Variants in MYBPC1 observed in about 807,000 individuals in gnomAD.
The protein encoded by MYBPC1 is myosin-binding protein C, slow-type.
MYBPC1 carries 52 observed loss-of-function variants against 147.1 expected under a neutral mutation model. That is an observed-to-expected ratio of 0.35 (90% confidence interval 0.28 to 0.45). MYBPC1 has a LOEUF of 0.45. MYBPC1 is among the 20% of genes least tolerant of loss of function. The pLI is 1.00. For synonymous variants in MYBPC1, 477 were observed against 475.9 expected (o/e 1.00, Z -0.03); for missense variants, 1,228 against 1,440.3 (o/e 0.85, Z 2.39).
intron 11 of MYBPC1, 111 bp downstream of exon 11, chr12:101,642,696 G>C: frequency 3.2e-6 from 4 of 1,236,342 alleles, no homozygotes; most frequent in Non-Finnish European, 4.6e-6. Flanking sequence ...GTTGGGAGTG[G>C]GGCTGGGTAG....
At chr12:101,632,527 G>A (rs1890119329) in intron 8 of MYBPC1, among the ~76,000 whole-genome samples, 1 of 152,074 alleles carries the variant, frequency 6.6e-6, no homozygotes, top group Admixed American at 6.5e-5. Flanking sequence ...CTCTTATAAC[G>A]ACTAATGTCA....
At chr12:101,657,650 T>C (rs1354903158) in intron 18 of MYBPC1, among the ~76,000 whole-genome samples, 2 of 152,084 alleles carry the variant, frequency 1.3e-5, no homozygotes, top group South Asian at 2.1e-4. Context: ...CAAGAAGAAA[T>C]AGGCAATCAG....
chr12:101,614,094 C>T (rs1885181745), intron 1 of MYBPC1, among the ~76,000 whole-genome samples: 1 of 152,092 alleles, frequency 6.6e-6, no homozygotes, highest in Non-Finnish European at 1.5e-5. Flanking sequence ...AGCAGTCCTG[C>T]CCATATAAGA....
chr12:101,608,538 G>A (rs183837504), intron 1 of MYBPC1, among the ~76,000 whole-genome samples: 2 of 152,272 alleles, frequency 1.3e-5, no homozygotes, highest in East Asian at 3.9e-4. Context: ...AATAAATATC[G>A]GTTTGCTTGT....
At chr12:101,688,343 CG>C (rs35429061), downstream of MYBPC1, among the ~76,000 whole-genome samples, 11,092 of 151,970 alleles carry the variant, frequency 0.073, 604 homozygotes, top group African/African-American at 0.16. Flanking sequence ...AGCTTGAACC[CG>C]GGAGGTGGAG....
rs372563184 is a variant in MYBPC1 at position 101,678,255 on chromosome 12, T to A, written c.3246+17T>A. The A allele has an allele frequency of 4.3e-6, 7 of 1,613,562 alleles. No individual in the cohort carries two copies. The Admixed American group carries it at 5.0e-5, about 12-fold the overall frequency. Reference sequence around the variant, plus strand: ...AATCCTAAGGTACCATGTTCTTCTATCACATCAGTTAAAGTCCCTGTCTTG... The same window carrying A: ...AATCCTAAGGTACCATGTTCTTCTAACACATCAGTTAAAGTCCCTGTCTTG... On this transcript the variant is annotated intron_variant, in intron 28 of 31. Transcript: ENST00000361466.
Position 101,649,339 on chromosome 12 carries a change from A to T in MYBPC1, c.1276A>T (p.Ile426Phe). Reference protein sequence around the residue: ...IRVEGKKHILIIEGATKADAA... With the variant: ...IRVEGKKHILFIEGATKADAA... ...AGTTGAGGGTAAAAAACACATCTTG[A>T]TCATAGAGGGAGCAACAAAGGCTGA... The change falls in exon 15 of 32, where the codon ATC (isoleucine) becomes TTC (phenylalanine). Residue 426 changes from isoleucine to phenylalanine, a missense_variant. By Grantham distance (21) the Ile-to-Phe change is conservative (BLOSUM62 0). Transcript: ENST00000361466. 1 of 1,614,012 alleles carries T rather than the reference A, an allele frequency of 6.2e-7. No individual in the cohort carries two copies. Among genetic ancestry groups the T allele is most frequent in the Non-Finnish European group, 8.5e-7 (1 of 1,179,884 alleles).
In MYBPC1 at chr12:101,642,400, C is replaced by T; in HGVS notation, c.666-19C>T. On this transcript the variant is annotated intron_variant, in intron 10 of 31. Coordinates refer to ENST00000361466, the MANE Select transcript of MYBPC1 (RefSeq NM_002465.4). ...GGTCAGTGCAGCTACTAAACTAGAC[C>T]ATGGTTCTCCCCGGTTAGGGAGGTG... 3 of 1,613,786 alleles carry T rather than the reference C, an allele frequency of 1.9e-6. No homozygotes were observed. Among genetic ancestry groups the T allele is most frequent in the Non-Finnish European group, 2.5e-6 (3 of 1,179,900 alleles).
At chr12:101,686,185 T>C (rs536558982), downstream of MYBPC1, among the ~76,000 whole-genome samples, 4 of 152,210 alleles carry the variant, frequency 2.6e-5, no homozygotes, top group Admixed American at 6.5e-5. Context: ...AGTCTAACTT[T>C]CAAACAAATT....
chr12:101,627,989 TACAC>T (rs1235312257), intron 5 of MYBPC1, 185 bp downstream of exon 5: 2 of 664,082 alleles, frequency 3.0e-6, no homozygotes, highest in Admixed American at 5.0e-5. Flanking sequence ...TTTTGCATGA[TACAC>T]ACGCATTCAA....
intron 10 of MYBPC1, among the ~76,000 whole-genome samples, chr12:101,641,759 A>C (rs554480167): frequency 2.6e-5 from 4 of 152,194 alleles, no homozygotes; most frequent in Non-Finnish European, 5.9e-5. Flanking sequence ...ATTTAGAAAA[A>C]AAATTTTAAA....
At chr12:101,649,522 C>T (rs1281265115) in intron 15 of MYBPC1, 96 bp downstream of exon 15, 9 of 1,420,986 alleles carry the variant, frequency 6.3e-6, no homozygotes, top group Admixed American at 5.1e-5. Flanking sequence ...TTTCTATTTG[C>T]GATGATTTTT....
chr12:101,687,068 TA>T (rs1169791194), downstream of MYBPC1, among the ~76,000 whole-genome samples: 56 of 151,918 alleles, frequency 3.7e-4, 2 homozygotes, highest in Middle Eastern at 3.4e-3. Context: ...CCATTGTTTT[TA>T]TATATATATA....
At chr12:101,687,056 A>C (rs2373481), downstream of MYBPC1, among the ~76,000 whole-genome samples, 3,621 of 151,862 alleles carry the variant, frequency 0.024, 345 homozygotes, top group East Asian at 0.32. Context: ...TATTGCTATA[A>C]CCCATTGTTT....
In MYBPC1 at chr12:101,670,379, A is replaced by G. The variant is rs762634209; in HGVS notation, c.2583A>G (p.Gly861=). The change falls in exon 24 of 32, where the codon GGA becomes GGG. Residue 861 remains glycine, a synonymous_variant. Transcript: ENST00000361466. The part of the protein sequence containing the change: ...HLKQTYIRRV[G]EAVNLVIPFQ... ...AGCAAACCTATATCCGCAGAGTTGGAGAAGCTGTCAATCTGGTTATACCTT... is the reference window on the plus strand; with the variant it reads ...AGCAAACCTATATCCGCAGAGTTGGGGAAGCTGTCAATCTGGTTATACCTT... 1 of 1,614,028 alleles carries G rather than the reference A, an allele frequency of 6.2e-7. No individual in the cohort carries two copies. The highest frequency in any genetic ancestry group is 2.2e-5 in the East Asian group (1 of 44,878).
intron 23 of MYBPC1, chr12:101,670,014 A>G (rs1898274921): frequency 2.1e-6 from 1 of 469,532 alleles, no homozygotes; most frequent in Non-Finnish European, 3.9e-6. Flanking sequence ...TTTTCTATAA[A>G]GTTGCTTTAG....
At chr12:101,666,722 T>C (rs1565988506) in intron 22 of MYBPC1, 1 of 1,608,416 alleles carries the variant, frequency 6.2e-7, no homozygotes, top group African/African-American at 1.3e-5. Flanking sequence ...CTTTAATTAA[T>C]TTTAATGACG....
chr12:101,663,895 T>G (rs1896999777), intron 22 of MYBPC1, among the ~76,000 whole-genome samples: 2 of 152,178 alleles, frequency 1.3e-5, no homozygotes, highest in African/African-American at 4.8e-5. Flanking sequence ...AAAGTCTAGT[T>G]ATGATGAAGC....
chr12:101,617,873 T>G (rs566880282), intron 3 of MYBPC1, among the ~76,000 whole-genome samples: 1 of 152,350 alleles, frequency 6.6e-6, no homozygotes, highest in South Asian at 2.1e-4. Context: ...CATGAAATGC[T>G]AATTCCTTTG....
Sources: allele counts gnomAD v4.1 joint callset (sites outside exome capture counted in the v4.1 genomes callset), GRCh38; gene constraint gnomAD v4.1.1; transcripts MANE v1.5; gene names NCBI Gene and HGNC (gene_info 2026-07-23, HGNC 2026-07-21).